Variants in PLEKHA8 observed in about 807,000 individuals in gnomAD.
PLEKHA8 encodes pleckstrin homology domain-containing family A member 8.
PLEKHA8 carries 36 observed loss-of-function variants against 68.2 expected under a neutral mutation model. The observed-to-expected ratio is 0.53, with a 90% CI of 0.40 to 0.70. PLEKHA8 has a LOEUF of 0.70. Among genes scored for constraint, PLEKHA8 ranks in the 30% least tolerant of loss-of-function variants. The pLI, the probability that PLEKHA8 is intolerant of heterozygous loss-of-function variation, is 0.00. For missense variants in PLEKHA8, 505 were observed against 615.4 expected (o/e 0.82, Z 1.90); for synonymous variants, 211 against 216.1 (o/e 0.98, Z 0.20).
At chr7:30,032,684 G>T (rs892258908) in intron 1 of PLEKHA8, among the ~76,000 whole-genome samples, 4 of 152,210 alleles carry the variant, frequency 2.6e-5, no homozygotes, top group Non-Finnish European at 4.4e-5. Flanking sequence ...TAGAATAGCA[G>T]ACTATTTCGG....
At chr7:30,047,759 T>G (rs1792066999) in intron 3 of PLEKHA8, 73 bp from the exon 4 acceptor site, 2 of 1,448,010 alleles carry the variant, frequency 1.4e-6, no homozygotes, top group East Asian at 5.3e-5. Flanking sequence ...AGGATTCCTC[T>G]TCTGCATAGT....
intron 13 of PLEKHA8, among the ~76,000 whole-genome samples, chr7:30,101,609 C>T (rs543658970): frequency 2.6e-5 from 4 of 152,288 alleles, no homozygotes; most frequent in Middle Eastern, 3.4e-3. Context: ...CCTCCTGATA[C>T]CATCACCTTA....
intron 13 of PLEKHA8, among the ~76,000 whole-genome samples, chr7:30,097,898 C>T (rs1007416985): frequency 3.3e-5 from 5 of 152,302 alleles, no homozygotes; most frequent in East Asian, 1.9e-4. Context: ...GGAGGAGAGG[C>T]GCTCTGACTT....
Position 30,042,062 on chromosome 7 carries a change from C to A in PLEKHA8, c.41-3023C>A, listed in dbSNP as rs763755933. Among the ~76,000 whole-genome samples the A allele has an allele frequency of 1.1e-4, 17 of 152,156 alleles. 1 individual carries two copies. Among genetic ancestry groups the A allele is most frequent in the Non-Finnish European group, 1.2e-4 (8 of 68,038 alleles). On this transcript the variant is annotated intron_variant, in intron 1 of 13. Coordinates refer to ENST00000449726, the MANE Select transcript of PLEKHA8 (RefSeq NM_001197026.2). The stretch of plus-strand genomic sequence containing the variant: ...CCTTCCTAATGTGGATGAGCCTTAT[C>A]CAATCAGTTAAAGACTTGAAGAGAA...
At chr7:30,057,775 A>G (rs1020449799) in intron 9 of PLEKHA8, among the ~76,000 whole-genome samples, 4 of 152,198 alleles carry the variant, frequency 2.6e-5, no homozygotes, top group Non-Finnish European at 5.9e-5. Flanking sequence ...TGGGACTATT[A>G]TAAATGAAAT....
At chr7:30,101,180 G>GT (rs1554281049) in intron 13 of PLEKHA8, among the ~76,000 whole-genome samples, 4 of 141,136 alleles carry the variant, frequency 2.8e-5, no homozygotes, top group Admixed American at 2.1e-4. Context: ...AGACTTGGGG[G>GT]AAAAAAAAAA....
rs564294598 is a variant in PLEKHA8, at chr7:30,073,035, A to G, written c.1301-1036A>G. 3.1e-4 allele frequency among the ~76,000 whole-genome samples: 47 copies of G among 152,388 alleles called. 1 individual carries two copies. Among genetic ancestry groups the G allele is most frequent in the African/African-American group, 1.1e-3 (46 of 41,594 alleles). ...CAAATTTCAGGAACGCATCCTTTGC[A>G]TAAAATGCATCCATCTGGTTCTTGG... On this transcript the variant is annotated intron_variant, in intron 12 of 13. Coordinates refer to ENST00000449726, the MANE Select transcript of PLEKHA8 (RefSeq NM_001197026.2).
intron 13 of PLEKHA8, 51 bp downstream of exon 13, chr7:30,074,183 G>A: frequency 6.7e-7 from 1 of 1,500,668 alleles, no homozygotes; most frequent in Non-Finnish European, 9.2e-7. Flanking sequence ...GTATGCCAGT[G>A]GCTAGGGCTA....
At chr7:30,091,958 G>GT (rs1388104016), downstream of PLEKHA8, among the ~76,000 whole-genome samples, 13 of 152,166 alleles carry the variant, frequency 8.5e-5, no homozygotes, top group Admixed American at 7.2e-4. Context: ...TTCCACACAC[G>GT]TTTGTTTTAA....
At chr7:30,063,577 T>TCA (rs1468387089) in intron 12 of PLEKHA8, among the ~76,000 whole-genome samples, 1 of 152,162 alleles carries the variant, frequency 6.6e-6, no homozygotes, top group African/African-American at 2.4e-5. Context: ...TTTTTCAGTG[T>TCA]CACAGTTGGG....
intron 12 of PLEKHA8, among the ~76,000 whole-genome samples, chr7:30,064,953 C>G (rs976104494): frequency 2.0e-5 from 3 of 152,120 alleles, no homozygotes; most frequent in Non-Finnish European, 4.4e-5. Flanking sequence ...GGAACGGAAC[C>G]CAGCTGCTTA....
chr7:30,070,305 T>G (rs1794150626), intron 12 of PLEKHA8, among the ~76,000 whole-genome samples: 1 of 152,170 alleles, frequency 6.6e-6, no homozygotes, highest in African/African-American at 2.4e-5. Flanking sequence ...AAGGAACAGC[T>G]TCTTTGTCTA....
At chr7:30,036,457 T>TAGACAGAC (rs1039665019) in intron 1 of PLEKHA8, among the ~76,000 whole-genome samples, 2 of 142,154 alleles carry the variant, frequency 1.4e-5, no homozygotes, top group African/African-American at 5.2e-5. Context: ...GATAGATAGA[T>TAGACAGAC]AGATAGATTA....
At chr7:30,040,030 A>C (rs1338681084) in intron 1 of PLEKHA8, among the ~76,000 whole-genome samples, 1 of 152,200 alleles carries the variant, frequency 6.6e-6, no homozygotes, top group Non-Finnish European at 1.5e-5. Flanking sequence ...TGCCTTTATC[A>C]GGTTGAAGAA....
At chr7:30,113,993 G>A (rs1456360529) in intron 13 of PLEKHA8, among the ~76,000 whole-genome samples, 4 of 151,128 alleles carry the variant, frequency 2.6e-5, no homozygotes, top group Non-Finnish European at 5.9e-5. Context: ...CTGCCTCCCA[G>A]GTTCAAGTGA....
chr7:30,108,737 C>G (rs142466909), intron 13 of PLEKHA8, among the ~76,000 whole-genome samples: 1 of 152,132 alleles, frequency 6.6e-6, no homozygotes, highest in Non-Finnish European at 1.5e-5. Context: ...GGACTTGTTG[C>G]GCCTTCTCCT....
chr7:30,064,566 A>G (rs771089731), intron 12 of PLEKHA8, among the ~76,000 whole-genome samples: 6 of 152,080 alleles, frequency 3.9e-5, no homozygotes, highest in Non-Finnish European at 8.8e-5. Flanking sequence ...ACAAACAAAC[A>G]AAAAAACAAT....
In PLEKHA8 at chr7:30,125,187, T is replaced by C. The variant is rs746713385; in HGVS notation, c.1363-4079T>C. On this transcript the variant is annotated intron_variant, in intron 13 of 13. Transcript: ENST00000396257. ...CTAGGTTTCTTTGATGTGTTACTAT[T>C]GTAGGATTTGTATGAGAAGAGTTAT... Among the ~76,000 whole-genome samples the C allele has an allele frequency of 6.0e-4, 92 of 152,198 alleles. 1 individual carries two copies. Among genetic ancestry groups the C allele is most frequent in the South Asian group, 1.0e-3 (5 of 4,828 alleles).
intron 1 of PLEKHA8, among the ~76,000 whole-genome samples, chr7:30,040,315 C>T (rs1272109438): frequency 6.6e-6 from 1 of 152,198 alleles, no homozygotes; most frequent in Non-Finnish European, 1.5e-5. Flanking sequence ...TTCTGTCCCT[C>T]AAATCCTTCC....
Sources: allele counts gnomAD v4.1 joint callset (sites outside exome capture counted in the v4.1 genomes callset), GRCh38; gene constraint gnomAD v4.1.1; transcripts MANE v1.5; gene names NCBI Gene and HGNC (gene_info 2026-07-23, HGNC 2026-07-21).